Variants in PUDP observed in about 807,000 individuals in gnomAD.
PUDP encodes pseudouridine 5'-phosphatase.
Under a neutral mutation model 9.4 loss-of-function variants are expected in PUDP, and 8 were observed. The observed-to-expected ratio is 0.85, with a 90% CI of 0.50 to 1.53. PUDP has a LOEUF of 1.53. PUDP is among the 40% of genes most tolerant of loss of function. PUDP has a pLI of 0.00. For missense variants in PUDP, 188 were observed against 189.7 expected (o/e 0.99, Z 0.05); for synonymous variants, 99 against 80.7 (o/e 1.23, Z -1.22).
chrX:6,706,765 CCCTTCTTCCCGA>C (rs757796467), intron 1 of PUDP, among the ~76,000 whole-genome samples: 16 of 111,657 alleles, frequency 1.4e-4, no homozygotes, highest in Non-Finnish European at 2.8e-4. Flanking sequence ...TGCCTTGCTT[CCCTTCTTCCCGA>C]CCAGGGGCAA....
At chrX:6,822,623 C>T (rs1483845718) in intron 3 of PUDP, among the ~76,000 whole-genome samples, 3 of 110,057 alleles carry the variant, frequency 2.7e-5, no homozygotes, top group African/African-American at 6.6e-5. Flanking sequence ...GACGGGGTTT[C>T]GCCATATTGG....
At chrX:6,746,573 C>T (rs1475412183) in intron 3 of PUDP, among the ~76,000 whole-genome samples, 1 of 110,479 alleles carries the variant, frequency 9.1e-6, no homozygotes, top group Non-Finnish European at 1.9e-5. Context: ...CCCCCCACCC[C>T]ATCCCCCAAC....
At chrX:7,090,036 T>C (rs751426693) in intron 2 of PUDP, among the ~76,000 whole-genome samples, 2 of 111,682 alleles carry the variant, frequency 1.8e-5, no homozygotes, top group East Asian at 2.8e-4. Flanking sequence ...ACAGACCAGA[T>C]AGGAAATTTA....
At chrX:7,091,804 G>A (rs1159475148) in intron 2 of PUDP, among the ~76,000 whole-genome samples, 1 of 111,701 alleles carries the variant, frequency 9.0e-6, no homozygotes, top group South Asian at 3.7e-4. Context: ...ATCACTTTTC[G>A]GGTTGCTACT....
intron 3 of PUDP, among the ~76,000 whole-genome samples, chrX:6,945,686 A>G (rs1410106064): frequency 1.8e-5 from 2 of 111,535 alleles, no homozygotes; most frequent in Non-Finnish European, 3.8e-5. Context: ...GGACTTCTAC[A>G]CCTTGCAGAA....
chrX:6,986,501 C>T (rs775454836), intron 1 of PUDP, among the ~76,000 whole-genome samples: 51 of 111,602 alleles, frequency 4.6e-4, no homozygotes, highest in African/African-American at 1.6e-3. Flanking sequence ...AGATGACAAT[C>T]GCCCCCTCCG....
chrX:7,064,865 C>G (rs771059676), intron 3 of PUDP, among the ~76,000 whole-genome samples: 19 of 111,639 alleles, frequency 1.7e-4, no homozygotes, highest in Non-Finnish European at 3.0e-4. Context: ...GTTTAAGGCT[C>G]GGTAATAGAT....
chrX:7,128,887 C>T (rs887556293), intron 1 of PUDP, among the ~76,000 whole-genome samples: 2 of 111,677 alleles, frequency 1.8e-5, no homozygotes, highest in Non-Finnish European at 3.8e-5. Context: ...GGTGCTCAAC[C>T]CATAAATAAG....
At chrX:6,724,189 T>A (rs897184586), upstream of PUDP, among the ~76,000 whole-genome samples, 4 of 111,273 alleles carry the variant, frequency 3.6e-5, no homozygotes, top group African/African-American at 1.3e-4. Flanking sequence ...ATGTCAAAAG[T>A]CACATCCCAT....
intron 3 of PUDP, among the ~76,000 whole-genome samples, chrX:6,843,431 A>C (rs1602642437): frequency 8.9e-6 from 1 of 111,817 alleles, no homozygotes; most frequent in East Asian, 2.8e-4. Flanking sequence ...AATGAGAAAC[A>C]AGACACAAAT....
chrX:6,828,358 C>T (rs1238063789), intron 3 of PUDP, among the ~76,000 whole-genome samples: 1 of 96,812 alleles, frequency 1.0e-5, no homozygotes, highest in Non-Finnish European at 2.1e-5. Flanking sequence ...GACACTGTTG[C>T]TATATATGTG....
At chrX:7,129,588 A>G (rs1381620051) in intron 1 of PUDP, among the ~76,000 whole-genome samples, 1 of 112,178 alleles carries the variant, frequency 8.9e-6, no homozygotes, top group Non-Finnish European at 1.9e-5. Flanking sequence ...CTCATACCTG[A>G]GGGGATATTC....
At chrX:6,818,812 G>A (rs1378841170) in intron 3 of PUDP, among the ~76,000 whole-genome samples, 1 of 112,117 alleles carries the variant, frequency 8.9e-6, no homozygotes, top group Non-Finnish European at 1.9e-5. Context: ...GATTTATACA[G>A]ATTTGAGTAT....
intron 1 of PUDP, among the ~76,000 whole-genome samples, chrX:7,107,108 C>A: frequency 8.9e-6 from 1 of 112,060 alleles, no homozygotes; most frequent in Non-Finnish European, 1.9e-5. Flanking sequence ...TGACAAAAAT[C>A]TGGATTCAAA....
intron 1 of PUDP, among the ~76,000 whole-genome samples, chrX:6,987,886 T>C (rs144029362): frequency 0.023 from 2,575 of 110,916 alleles, 28 homozygotes; most frequent in African/African-American, 0.049. Context: ...CTGTTATGTC[T>C]GGTCATATGT....
At chrX:6,738,537 A>C (rs1490173262) in intron 3 of PUDP, among the ~76,000 whole-genome samples, 1 of 111,842 alleles carries the variant, frequency 8.9e-6, no homozygotes, top group Non-Finnish European at 1.9e-5. Flanking sequence ...TTTTTCCTAA[A>C]TGTTTTGAGC....
At chrX:6,850,291 T>A (rs1351822775) in intron 3 of PUDP, among the ~76,000 whole-genome samples, 60 of 112,182 alleles carry the variant, frequency 5.3e-4, no homozygotes, top group African/African-American at 1.8e-3. Flanking sequence ...TGTTCAGGAA[T>A]TTAATATCCA....
chrX:7,141,134 A>G (rs1236563903), intron 1 of PUDP, among the ~76,000 whole-genome samples: 2 of 112,286 alleles, frequency 1.8e-5, no homozygotes, highest in African/African-American at 6.5e-5. Context: ...TAAGAGTTCA[A>G]GAGAAAAGAA....
chrX:6,963,841 A>G (rs1240043465), intron 3 of PUDP, among the ~76,000 whole-genome samples: 1 of 112,304 alleles, frequency 8.9e-6, no homozygotes, highest in Non-Finnish European at 1.9e-5. Context: ...CTCATGCCCA[A>G]CATTTTGCAG....
Sources: allele counts gnomAD v4.1 joint callset (sites outside exome capture counted in the v4.1 genomes callset), GRCh38; gene constraint gnomAD v4.1.1; transcripts MANE v1.5; gene names NCBI Gene and HGNC (gene_info 2026-07-23, HGNC 2026-07-21).